Variants in FAM222A observed in about 807,000 individuals in gnomAD.
FAM222A encodes protein FAM222A.
Under a neutral mutation model 25.8 loss-of-function variants are expected in FAM222A, and 7 were observed. That is an observed-to-expected ratio of 0.27 (90% confidence interval 0.15 to 0.51). The LOEUF (loss-of-function observed/expected upper bound fraction) is 0.51. Among genes scored for constraint, FAM222A ranks in the 20% least tolerant of loss-of-function variants. The pLI is 0.97. For synonymous variants in FAM222A, 294 were observed against 298.8 expected, an observed-to-expected ratio of 0.98 and a Z score of 0.17; for missense variants, 573 against 640.5, an observed-to-expected ratio of 0.89 and a Z score of 1.14.
Position 109,769,113 on chromosome 12 carries a change from G to C in FAM222A, c.1184G>C (p.Ser395Thr), listed in dbSNP as rs192654407. ...GCCCTCTCGGGCCTGCCCAGCAAGA[G>C]TGTGTGCAACACATCGGTGCTGAGC... ...ADALSGLPSK[S>T]VCNTSVLSSS... Residue 395 changes from serine to threonine, a missense_variant, in exon 3 of 3, where the codon AGT becomes ACT. By Grantham distance (58) the Ser-to-Thr change is moderately conservative (BLOSUM62 1). Transcript: ENST00000538780. 1.9e-5 allele frequency: 31 copies of C among 1,611,538 alleles called. No homozygotes were observed. In the Middle Eastern group the frequency reaches 5.0e-4, roughly 26 times the overall value.
intron 1 of FAM222A, among the ~76,000 whole-genome samples, chr12:109,723,487 C>T (rs2136319451): frequency 6.6e-6 from 1 of 152,344 alleles, no homozygotes; most frequent in East Asian, 1.9e-4. Flanking sequence ...CCCAGCCACC[C>T]TTCTCCTGTC....
At chr12:109,752,769 G>A (rs1888597698) in intron 2 of FAM222A, among the ~76,000 whole-genome samples, 1 of 152,206 alleles carries the variant, frequency 6.6e-6, no homozygotes, top group South Asian at 2.1e-4. Context: ...CCCTTTTCCT[G>A]TAAAACAGGG....
chr12:109,721,722 G>T (rs1887749914), intron 1 of FAM222A, among the ~76,000 whole-genome samples: 1 of 152,150 alleles, frequency 6.6e-6, no homozygotes, highest in African/African-American at 2.4e-5. Flanking sequence ...AGGTGGGAGG[G>T]TCTGTTACCC....
In FAM222A at chr12:109,744,177, G is replaced by A. The variant is rs1373319522; in HGVS notation, c.31G>A (p.Ala11Thr). The A allele has an allele frequency of 6.2e-6, 10 of 1,613,384 alleles. No homozygotes were observed. Among genetic ancestry groups the A allele is most frequent in the South Asian group, 3.3e-5 (3 of 91,074 alleles). The change falls in exon 2 of 3, where the codon GCC becomes ACC. Residue 11 changes from alanine to threonine, a missense_variant. Ala to Thr is a moderately conservative substitution (Grantham distance 58). This residue lies in a region of FAM222A where 112 missense variants were observed against 154.6 expected (regional missense o/e 0.72). Coordinates refer to ENST00000538780, the MANE Select transcript of FAM222A (RefSeq NM_032829.3). MLACLQRTQNAPGQHLACPSK... is the reference protein window; with the variant it reads MLACLQRTQNTPGQHLACPSK... ...GGCCTGTCTGCAGAGGACCCAGAAC[G>A]CCCCGGGCCAACACCTGGCCTGCCC...
intron 2 of FAM222A, among the ~76,000 whole-genome samples, chr12:109,757,680 T>C (rs554562373): frequency 2.7e-5 from 4 of 148,270 alleles, no homozygotes; most frequent in African/African-American, 7.5e-5. Context: ...GCAACACTTA[T>C]AATGGACCAG....
At chr12:109,729,673 C>T (rs1371137713) in intron 1 of FAM222A, among the ~76,000 whole-genome samples, 1 of 152,268 alleles carries the variant, frequency 6.6e-6, no homozygotes, top group East Asian at 1.9e-4. Context: ...GGCGCATGCC[C>T]CAGCAAGGCT....
chr12:109,748,760 GGTTA>G (rs770766479), intron 2 of FAM222A, among the ~76,000 whole-genome samples: 4 of 151,920 alleles, frequency 2.6e-5, no homozygotes, highest in Non-Finnish European at 4.4e-5. Flanking sequence ...TTCTTCATTA[GGTTA>G]GTTAGCTAAT....
At chr12:109,715,920 C>T (rs903899287) in intron 1 of FAM222A, among the ~76,000 whole-genome samples, 3 of 152,190 alleles carry the variant, frequency 2.0e-5, no homozygotes, top group Non-Finnish European at 4.4e-5. Flanking sequence ...TGCCCCTCCC[C>T]CAGCCAAGGA....
At chr12:109,751,710 A>C (rs1359425833) in intron 2 of FAM222A, among the ~76,000 whole-genome samples, 2 of 152,232 alleles carry the variant, frequency 1.3e-5, no homozygotes, top group African/African-American at 4.8e-5. Context: ...AGAACCTGTC[A>C]CCAGCTGACA....
At chr12:109,730,413 G>T (rs1002643837) in intron 1 of FAM222A, among the ~76,000 whole-genome samples, 3 of 151,116 alleles carry the variant, frequency 2.0e-5, no homozygotes, top group Non-Finnish European at 3.0e-5. Context: ...GGGCGGGGGG[G>T]GGGGTTCCTC....
rs374591845 is a variant in FAM222A at position 109,733,694 on chromosome 12, A to G, written c.-46-10407A>G. 1.2e-4 allele frequency among the ~76,000 whole-genome samples: 18 copies of G among 152,256 alleles called. No homozygotes were observed. The East Asian group carries it at 2.3e-3, about 20-fold the overall frequency. On this transcript the variant is annotated intron_variant, in intron 1 of 2. Transcript: ENST00000538780. ...GCTGGGATTACAGGTGTGAGCCACC[A>G]CGCCCGGCCCCCATTATTACATATT...
At chr12:109,750,778 A>T (rs921090844) in intron 2 of FAM222A, among the ~76,000 whole-genome samples, 2 of 142,294 alleles carry the variant, frequency 1.4e-5, no homozygotes, top group Non-Finnish European at 1.5e-5. Flanking sequence ...GAGTGGGTTT[A>T]AAAAAAAAAA....
intron 1 of FAM222A, among the ~76,000 whole-genome samples, chr12:109,737,428 TG>T (rs1888116066): frequency 6.6e-6 from 1 of 151,818 alleles, no homozygotes; most frequent in African/African-American, 2.4e-5. Flanking sequence ...CTGGCATCTT[TG>T]TCCTAGAAAC....
In FAM222A at chr12:109,769,943, C is replaced by T. The variant is rs1288889621; in HGVS notation, c.*655C>T. On this transcript the variant is annotated 3_prime_UTR_variant, in exon 3 of 3. Transcript: ENST00000538780. Reference sequence around the variant, plus strand: ...TCTCCAAACCCTGGACTACCATATTCCCCCTTCCCTCCAATACATCTTATA... The same window carrying T: ...TCTCCAAACCCTGGACTACCATATTTCCCCTTCCCTCCAATACATCTTATA... The T allele has an allele frequency of 3.3e-5, 5 of 152,556 alleles. No individual in the cohort carries two copies. The East Asian group carries it at 9.6e-4, about 29-fold the overall frequency. 9.5% of individuals were successfully genotyped at this position (152,556 alleles called of 1,614,324 possible).
At chr12:109,738,271 T>G (rs1462984602) in intron 1 of FAM222A, among the ~76,000 whole-genome samples, 2 of 152,226 alleles carry the variant, frequency 1.3e-5, no homozygotes, top group Non-Finnish European at 2.9e-5. Flanking sequence ...TTTCTGAGGC[T>G]TTCTACTTGC....
intron 1 of FAM222A, among the ~76,000 whole-genome samples, chr12:109,740,285 C>G (rs1888203452): frequency 6.6e-6 from 1 of 152,184 alleles, no homozygotes; most frequent in African/African-American, 2.4e-5. Flanking sequence ...CCTCGGGTGT[C>G]TCCGAGATAA....
chr12:109,718,353 G>C (rs998649754), intron 1 of FAM222A, among the ~76,000 whole-genome samples: 1 of 134,516 alleles, frequency 7.4e-6, no homozygotes, highest in Admixed American at 9.3e-5. Flanking sequence ...GAGCTTCTGC[G>C]GGGGCTGGGA....
At chr12:109,722,164 G>A (rs1291514152) in intron 1 of FAM222A, among the ~76,000 whole-genome samples, 2 of 152,212 alleles carry the variant, frequency 1.3e-5, no homozygotes, top group Non-Finnish European at 2.9e-5. Context: ...CAGCATGAGA[G>A]GCAGCTCAGA....
At chr12:109,722,845 T>G (rs1051729910) in intron 1 of FAM222A, 4 of 152,340 alleles carry the variant, frequency 2.6e-5, no homozygotes, top group Middle Eastern at 3.4e-3. Context: ...GCCGGAGATA[T>G]AATTAGTTCA....
Sources: allele counts gnomAD v4.1 joint callset (sites outside exome capture counted in the v4.1 genomes callset), GRCh38; gene constraint gnomAD v4.1.1; regional missense constraint gnomAD v4.1.1; transcripts MANE v1.5; gene names NCBI Gene and HGNC (gene_info 2026-07-23, HGNC 2026-07-21).